The following SLC1A3 variants were observed in gnomAD, a reference collection of about 807,000 sequenced individuals.
SLC1A3 encodes the protein solute carrier family 1 member 3.
Under a neutral mutation model 48.1 loss-of-function variants are expected in SLC1A3, and 21 were observed. That is an observed-to-expected ratio of 0.44 (90% CI 0.31 to 0.63). The LOEUF (loss-of-function observed/expected upper bound fraction) is 0.63. Among genes scored for constraint, SLC1A3 ranks in the 20% least tolerant of loss-of-function variants. The pLI is 0.08. For synonymous variants in SLC1A3, 239 were observed against 251.4 expected, an observed-to-expected ratio of 0.95 and a Z score of 0.47; for missense variants, 546 against 689.0, an observed-to-expected ratio of 0.79 and a Z score of 2.32.
At chr5:36,669,971 AACTC>A (rs1465533154) in intron 3 of SLC1A3, 1 of 151,960 alleles carries the variant, frequency 6.6e-6, no homozygotes, top group Non-Finnish European at 1.5e-5. Context: ...AAAAAAAAAA[AACTC>A]AATTAACTGT....
intron 5 of SLC1A3, among the ~76,000 whole-genome samples, chr5:36,674,947 AC>A (rs1742144609): frequency 6.6e-6 from 1 of 152,208 alleles, no homozygotes; most frequent in South Asian, 2.1e-4. Flanking sequence ...ATAAAAGCTC[AC>A]TTTAACCTCA....
intron 5 of SLC1A3, among the ~76,000 whole-genome samples, chr5:36,674,998 G>A (rs2113098): frequency 0.49 from 75,064 of 151,924 alleles, 19,136 homozygotes; most frequent in Middle Eastern, 0.62. Context: ...TATTAAAAGG[G>A]AAACAGACAC....
chr5:36,646,741 G>A (rs770836821), intron 3 of SLC1A3, among the ~76,000 whole-genome samples: 3 of 152,158 alleles, frequency 2.0e-5, no homozygotes, highest in Non-Finnish European at 2.9e-5. Context: ...AATAGTTTGC[G>A]GTGTCATATT....
intron 2 of SLC1A3, among the ~76,000 whole-genome samples, chr5:36,622,955 T>C (rs1739741148): frequency 7.2e-6 from 1 of 139,476 alleles, no homozygotes. Context: ...GAGCTTGCAG[T>C]GAGCCGAGAT....
chr5:36,629,830 C>A (rs1740069877), intron 3 of SLC1A3: 1 of 496,200 alleles, frequency 2.0e-6, no homozygotes. Context: ...GTTCGCCTCA[C>A]AGTGAACGAG....
chr5:36,597,233 C>CTTTTTTT (rs70976237), intron 1 of SLC1A3, among the ~76,000 whole-genome samples: 2,276 of 46,168 alleles, frequency 0.049, 546 homozygotes, highest in Non-Finnish European at 0.058. Flanking sequence ...TTCTTCCTTT[C>CTTTTTTT]TTTTTTTTTT....
At chr5:36,676,128 G>C (rs1580035776) in intron 5 of SLC1A3, among the ~76,000 whole-genome samples, 1 of 152,266 alleles carries the variant, frequency 6.6e-6, no homozygotes, top group East Asian at 1.9e-4. Context: ...TATAGACTTG[G>C]AGAAGATGAG....
Position 36,679,830 on chromosome 5 carries a change from C to T in SLC1A3, c.1064C>T (p.Ala355Val), listed in dbSNP as rs1742364186. Residue 355 changes from alanine to valine, a missense_variant, in exon 7 of 10, where the codon GCA becomes GTA. Physicochemically the swap from Ala to Val is moderately conservative, Grantham distance 64. Transcript: ENST00000265113. ...GTTTTTATTGGAGGGTTGCTGCAAG[C>T]ACTCATCACCGCTCTGGGGACCTCT... ...PWVFIGGLLQALITALGTSSS... is the reference protein window; with the variant it reads ...PWVFIGGLLQVLITALGTSSS... The T allele has an allele frequency of 6.2e-7, 1 of 1,613,812 alleles. No individual in the cohort carries two copies. The highest frequency in any genetic ancestry group is 1.1e-5 in the South Asian group (1 of 91,074).
chr5:36,608,237 A>T, intron 1 of SLC1A3, 92 bp from the exon 2 acceptor site: 1 of 592,050 alleles, frequency 1.7e-6, no homozygotes, highest in Non-Finnish European at 3.0e-6. Flanking sequence ...TGCTGAGATT[A>T]TGCAATTTGC....
intron 2 of SLC1A3, among the ~76,000 whole-genome samples, chr5:36,629,229 A>G (rs879173085): frequency 6.6e-6 from 1 of 152,108 alleles, no homozygotes; most frequent in East Asian, 1.9e-4. Flanking sequence ...AACTAGAAAG[A>G]GTTTTTTTCT....
intron 3 of SLC1A3, among the ~76,000 whole-genome samples, chr5:36,665,831 C>T (rs1052504569): frequency 2.0e-5 from 3 of 152,094 alleles, no homozygotes; most frequent in Non-Finnish European, 2.9e-5. Flanking sequence ...GATTACATTC[C>T]GAGGCTATCA....
chr5:36,683,177 A>T (rs1742504056), intron 8 of SLC1A3, among the ~76,000 whole-genome samples: 2 of 152,326 alleles, frequency 1.3e-5, no homozygotes, highest in South Asian at 4.1e-4. Flanking sequence ...CTAGAAACAA[A>T]TTATTATTGT....
chr5:36,650,374 TAGTC>T (rs1045611230), intron 3 of SLC1A3, among the ~76,000 whole-genome samples: 2 of 152,204 alleles, frequency 1.3e-5, no homozygotes, highest in African/African-American at 4.8e-5. Context: ...ATAATGCCAT[TAGTC>T]AGTTTTCAAA....
intron 8 of SLC1A3, among the ~76,000 whole-genome samples, chr5:36,681,816 G>A (rs1742453142): frequency 6.6e-6 from 1 of 152,034 alleles, no homozygotes; most frequent in African/African-American, 2.4e-5. Context: ...TCATTGTTGT[G>A]GGGTTTTTTT....
rs555176478 is a variant in SLC1A3, at chr5:36,608,599, T to C, written c.176T>C (p.Ile59Thr). ...GTGCTGCTCACAGTCACCGCTGTCA[T>C]TGTGGGTGAGTCATTTGATTAAAAA... ...AFVLLTVTAV[I>T]VGTILGFTLR... Residue 59 changes from isoleucine to threonine, a missense_variant, in exon 2 of 10, where the codon ATT (isoleucine) becomes ACT (threonine). Coordinates refer to ENST00000265113, the MANE Select transcript of SLC1A3 (RefSeq NM_004172.5). 15 of 1,611,490 alleles carry C rather than the reference T, an allele frequency of 9.3e-6. No individual in the cohort carries two copies. Among genetic ancestry groups the C allele is most frequent in the African/African-American group, 8.2e-5 (6 of 73,304 alleles).
At chr5:36,670,345 A>G (rs1741937024) in intron 3 of SLC1A3, among the ~76,000 whole-genome samples, 1 of 152,206 alleles carries the variant, frequency 6.6e-6, no homozygotes, top group Admixed American at 6.5e-5. Context: ...AAGAATGAGA[A>G]CTGTGCCATG....
At chr5:36,675,522 G>A (rs535173823) in intron 5 of SLC1A3, among the ~76,000 whole-genome samples, 1 of 152,284 alleles carries the variant, frequency 6.6e-6, no homozygotes, top group East Asian at 1.9e-4. Flanking sequence ...TTTCTCCCCA[G>A]GTCTAGTTGG....
intron 1 of SLC1A3, among the ~76,000 whole-genome samples, chr5:36,600,125 T>C (rs1358330015): frequency 6.6e-6 from 1 of 152,152 alleles, no homozygotes; most frequent in African/African-American, 2.4e-5. Flanking sequence ...CATTTCCAAA[T>C]CTTGCCCCAA....
chr5:36,649,142 G>A (rs771306207), intron 3 of SLC1A3, among the ~76,000 whole-genome samples: 4 of 151,870 alleles, frequency 2.6e-5, no homozygotes, highest in Admixed American at 1.3e-4. Context: ...TTGGGAGTTC[G>A]AGACCAGCTG....
Sources: allele counts gnomAD v4.1 joint callset (sites outside exome capture counted in the v4.1 genomes callset), GRCh38; gene constraint gnomAD v4.1.1; transcripts MANE v1.5; gene names NCBI Gene and HGNC (gene_info 2026-07-23, HGNC 2026-07-21).